Variants in PCDH15 observed in about 807,000 individuals in gnomAD.
The protein encoded by PCDH15 is protocadherin related 15.
Under a neutral mutation model 178.5 loss-of-function variants are expected in PCDH15, and 129 were observed. That is an observed-to-expected ratio of 0.72 (90% CI 0.63 to 0.84). The LOEUF is 0.84. Among genes scored for constraint, PCDH15 ranks in the 40% least tolerant of loss-of-function variants. The probability of loss-of-function intolerance (pLI) is 0.00; values close to 1 mark genes in which losing one functional copy is unlikely to be tolerated. For missense variants in PCDH15, 2,230 were observed against 2,099.9 expected (o/e 1.06, Z -1.21); for synonymous variants, 800 against 732.0 (o/e 1.09, Z -1.50).
intron 3 of PCDH15, among the ~76,000 whole-genome samples, chr10:54,422,211 A>T (rs1374722858): frequency 1.3e-5 from 2 of 151,880 alleles, no homozygotes; most frequent in Non-Finnish European, 2.9e-5. Flanking sequence ...TTTACCACAG[A>T]GGATGGGATT....
chr10:54,225,535 G>A (rs1374571167), intron 9 of PCDH15, among the ~76,000 whole-genome samples: 5 of 152,128 alleles, frequency 3.3e-5, no homozygotes, highest in Non-Finnish European at 2.9e-5. Context: ...CTTGTACCAC[G>A]GTGATAGCCT....
At chr10:54,817,445 C>G (rs960038473) in intron 3 of PCDH15, among the ~76,000 whole-genome samples, 1 of 151,966 alleles carries the variant, frequency 6.6e-6, no homozygotes, top group Admixed American at 6.6e-5. Context: ...CACATTCTTA[C>G]TCATCTCTAT....
At chr10:54,236,965 G>A (rs777041728) in intron 8 of PCDH15, 34 bp from the exon 9 acceptor site, 90 of 1,489,954 alleles carry the variant, frequency 6.0e-5, no homozygotes, top group Middle Eastern at 1.7e-4. Context: ...TCATTCAGCC[G>A]CATTACTAAT....
At chr10:54,005,522 G>C (rs2092353778) in intron 20 of PCDH15, among the ~76,000 whole-genome samples, 1 of 152,024 alleles carries the variant, frequency 6.6e-6, no homozygotes, top group South Asian at 2.1e-4. Context: ...TTTCTCAAAA[G>C]AAGACATACA....
chr10:54,982,697 A>G (rs2131906333), intron 2 of PCDH15, among the ~76,000 whole-genome samples: 1 of 152,308 alleles, frequency 6.6e-6, no homozygotes, highest in Middle Eastern at 3.4e-3. Flanking sequence ...GTAAAATCTT[A>G]TAAAATCTAC....
intron 1 of PCDH15, among the ~76,000 whole-genome samples, chr10:54,779,702 T>G (rs1307148012): frequency 2.0e-5 from 3 of 151,340 alleles, no homozygotes; most frequent in Admixed American, 6.6e-5. Flanking sequence ...TCATTCCCAA[T>G]AATTTGAACT....
At chr10:55,220,898 T>C (rs1840854435) in intron 1 of PCDH15, among the ~76,000 whole-genome samples, 1 of 152,066 alleles carries the variant, frequency 6.6e-6, no homozygotes, top group Non-Finnish European at 1.5e-5. Flanking sequence ...CTGGGCTTTA[T>C]TTTTCTAGGT....
At chr10:55,452,529 T>C (rs565262304) in intron 2 of PCDH15, among the ~76,000 whole-genome samples, 1 of 152,318 alleles carries the variant, frequency 6.6e-6, no homozygotes, top group East Asian at 1.9e-4. Context: ...ATAGAAATAG[T>C]GAATAATTCA....
At chr10:53,822,281 T>G (rs1355925084) in intron 32 of PCDH15, 1 of 1,612,666 alleles carries the variant, frequency 6.2e-7, no homozygotes, top group Non-Finnish European at 8.5e-7. Flanking sequence ...GAAGAGGAGT[T>G]GGAAATGGAG....
chr10:54,339,116 C>A (rs911497432), intron 6 of PCDH15, among the ~76,000 whole-genome samples: 5 of 152,154 alleles, frequency 3.3e-5, no homozygotes, highest in Non-Finnish European at 5.9e-5. Flanking sequence ...TACATGGGGC[C>A]CAGGTTGGCT....
At chr10:55,445,572 T>C (rs999593223) in intron 2 of PCDH15, among the ~76,000 whole-genome samples, 1 of 152,160 alleles carries the variant, frequency 6.6e-6, no homozygotes, top group Non-Finnish European at 1.5e-5. Context: ...CCATCTGAAA[T>C]CAATTGTATT....
intron 35 of PCDH15, among the ~76,000 whole-genome samples, chr10:53,812,230 C>T (rs930706030): frequency 2.0e-5 from 3 of 152,106 alleles, no homozygotes; most frequent in Admixed American, 6.6e-5. Context: ...TTTTTTGAGA[C>T]GGAGTCTCGC....
At chr10:54,067,636 C>A (rs1189209308) in intron 17 of PCDH15, among the ~76,000 whole-genome samples, 1 of 152,146 alleles carries the variant, frequency 6.6e-6, no homozygotes, top group Non-Finnish European at 1.5e-5. Context: ...CAGCACAGAA[C>A]CTCTACCTAG....
intron 1 of PCDH15, among the ~76,000 whole-genome samples, chr10:55,267,732 T>A (rs969376113): frequency 7.9e-5 from 12 of 152,188 alleles, no homozygotes; most frequent in African/African-American, 2.7e-4. Flanking sequence ...TTTGGGCAAA[T>A]ACAAATAAAA....
intron 3 of PCDH15, among the ~76,000 whole-genome samples, chr10:54,851,304 A>G (rs916009300): frequency 3.3e-5 from 5 of 152,134 alleles, no homozygotes; most frequent in African/African-American, 1.2e-4. Context: ...CAAAAATGCT[A>G]AAAAGACTAA....
intron 1 of PCDH15, among the ~76,000 whole-genome samples, chr10:54,757,599 A>C (rs908053188): frequency 6.6e-6 from 1 of 152,126 alleles, no homozygotes; most frequent in African/African-American, 2.4e-5. Flanking sequence ...CTTCTTAAAA[A>C]TTGGCTTTCC....
chr10:54,529,061 A>G (rs905673777), intron 2 of PCDH15, among the ~76,000 whole-genome samples: 2 of 152,006 alleles, frequency 1.3e-5, no homozygotes, highest in African/African-American at 4.8e-5. Flanking sequence ...GTTATTTGGG[A>G]AATAATTTCA....
chr10:54,794,795 G>A (rs543858080), intron 1 of PCDH15, among the ~76,000 whole-genome samples: 1 of 151,786 alleles, frequency 6.6e-6, no homozygotes, highest in Non-Finnish European at 1.5e-5. Flanking sequence ...ATCAAAGAAA[G>A]TAGGAAAATA....
chr10:54,954,444 C>A (rs1170518552), intron 2 of PCDH15, among the ~76,000 whole-genome samples: 4 of 151,114 alleles, frequency 2.6e-5, no homozygotes, highest in African/African-American at 9.7e-5. Flanking sequence ...TCTCGTATTC[C>A]CTTCTTACGC....
Sources: gnomAD v4.1 joint callset for allele counts (sites outside exome capture counted in the v4.1 genomes callset) on GRCh38, gnomAD v4.1.1 for gene constraint, MANE v1.5 for transcripts, NCBI Gene and HGNC (gene_info 2026-07-23, HGNC 2026-07-21) for gene names.